The following TMEM127 variants were observed in gnomAD, a reference collection of about 807,000 sequenced individuals.
TMEM127 encodes transmembrane protein 127.
In TMEM127, 21 loss-of-function variants were observed where a neutral mutation model predicts 20.1. That is an observed-to-expected ratio of 1.04 (90% CI 0.74 to 1.50). The LOEUF (loss-of-function observed/expected upper bound fraction) is 1.50, where lower values mean the gene tolerates loss of function less well. TMEM127 is among the 40% of genes most tolerant of loss of function. TMEM127 has a pLI of 0.00. For synonymous variants in TMEM127, 150 were observed against 144.7 expected, an observed-to-expected ratio of 1.04 and a Z score of -0.26; for missense variants, 303 against 317.4, an observed-to-expected ratio of 0.95 and a Z score of 0.34.
rs1429040322 is a variant in TMEM127 at position 96,251,272 on chromosome 2, C to A, written c.*2536G>T. On this transcript the variant is annotated 3_prime_UTR_variant, in exon 4 of 4. Coordinates refer to ENST00000258439, the MANE Select transcript of TMEM127 (RefSeq NM_017849.4). ...GTGGTTCATGCCTATAATCCCAGCA[C>A]TTTGGGAGGCCAAGGTGGGTGGATA... The A allele has an allele frequency of 4.9e-6, 1 of 203,726 alleles. No homozygotes were observed. The highest frequency in any genetic ancestry group is 2.3e-5 in the African/African-American group (1 of 43,710). The allele number at this position is 203,726 out of a possible 1,614,324, so 12.6% of individuals were successfully genotyped here. A position where few individuals can be genotyped will look rare whatever the true frequency, so the allele number is the denominator to read the frequency against.
At chr2:96,260,894 C>T (rs1360157058) in intron 2 of TMEM127, among the ~76,000 whole-genome samples, 4 of 152,158 alleles carry the variant, frequency 2.6e-5, no homozygotes, top group African/African-American at 9.7e-5. Flanking sequence ...TTAACAGAGC[C>T]CTCTAGTGCC....
chr2:96,265,367 TC>T lies in TMEM127; in HGVS notation c.14del (p.Gly5GlufsTer76). The T allele has an allele frequency of 6.8e-7, 1 of 1,469,488 alleles. No homozygotes were observed. Among genetic ancestry groups the T allele is most frequent in the Non-Finnish European group, 8.9e-7 (1 of 1,117,438 alleles). The allele number at this position is 1,469,488 out of a possible 1,614,324, so 91.0% of individuals were successfully genotyped here. On this transcript the variant is annotated frameshift_variant, in exon 2 of 4. Transcript: ENST00000258439. LOFTEE classifies it high-confidence loss of function. ...GGCGCCCGCCGGGCAGCCCTGCGCC[TC>T]CGGGGGCGTACATGCCCGGGGCCGC... Reference protein sequence around the residue: MYAPGGAGLPGGRRR... With the variant: MYAPXGAGLPGGRRR...
chr2:96,257,818 G>C (rs1558753880), intron 2 of TMEM127, among the ~76,000 whole-genome samples: 1 of 152,020 alleles, frequency 6.6e-6, no homozygotes, highest in Non-Finnish European at 1.5e-5. Flanking sequence ...AGGAGGCTGA[G>C]ACAGGAGAAC....
chr2:96,265,542 G>T (rs1320332061), intron 1 of TMEM127, 30 bp from the exon 2 acceptor site: 5 of 962,656 alleles, frequency 5.2e-6, no homozygotes, highest in Non-Finnish European at 6.7e-6. Flanking sequence ...AGGATAGGGG[G>T]GTGGGACCCG....
intron 2 of TMEM127, among the ~76,000 whole-genome samples, chr2:96,257,179 C>T (rs1049709237): frequency 6.6e-6 from 1 of 152,200 alleles, no homozygotes; most frequent in Non-Finnish European, 1.5e-5. Flanking sequence ...CTAGACGACA[C>T]TACCAGGCAC....
At chr2:96,261,764 C>A (rs1684315192) in intron 2 of TMEM127, among the ~76,000 whole-genome samples, 1 of 152,174 alleles carries the variant, frequency 6.6e-6, no homozygotes, top group Admixed American at 6.5e-5. Flanking sequence ...GAGCTGGGAC[C>A]TTTTGAAGTG....
In TMEM127 at chr2:96,249,680, G is replaced by C. The variant is rs1206430434; in HGVS notation, c.*4128C>G. On this transcript the variant is annotated 3_prime_UTR_variant, in exon 4 of 4. Transcript: ENST00000258439. ...ACTCCCCCCAAAAAATGCAGAGGAA[G>C]AGGTAAGATTGCAGGCTATTTGAAA... is the stretch of plus-strand genomic sequence containing the variant. The C allele has an allele frequency of 6.9e-5, 16 of 233,048 alleles. No individual in the cohort carries two copies. In the Admixed American group the frequency reaches 9.0e-4, roughly 13 times the overall value. The allele number at this position is 233,048 out of a possible 1,614,324, so 14.4% of individuals were successfully genotyped here. A position where few individuals can be genotyped will look rare whatever the true frequency, so the allele number is the denominator to read the frequency against.
Position 96,250,368 on chromosome 2 carries a change from T to C in TMEM127, c.*3440A>G, listed in dbSNP as rs1315161970. The C allele has an allele frequency of 8.6e-6, 2 of 232,766 alleles. No homozygotes were observed. Among genetic ancestry groups the C allele is most frequent in the Non-Finnish European group, 1.7e-5 (2 of 117,866 alleles). The allele number at this position is 232,766 out of a possible 1,614,324, so 14.4% of individuals were successfully genotyped here. On this transcript the variant is annotated 3_prime_UTR_variant, in exon 4 of 4. Coordinates refer to ENST00000258439, the MANE Select transcript of TMEM127 (RefSeq NM_017849.4). ...GCGTCCTCCAGGAAGCCTTTCATTATCACTCAGGTCAGAACTGGCTCCCTT... is the reference window on the plus strand; with the variant it reads ...GCGTCCTCCAGGAAGCCTTTCATTACCACTCAGGTCAGAACTGGCTCCCTT...
At chr2:96,259,642 T>C (rs545708057) in intron 2 of TMEM127, among the ~76,000 whole-genome samples, 1 of 152,334 alleles carries the variant, frequency 6.6e-6, no homozygotes, top group East Asian at 1.9e-4. Flanking sequence ...CAGAGCCTGC[T>C]CTAGGAAGTG....
At chr2:96,258,115 G>C (rs560669448) in intron 2 of TMEM127, among the ~76,000 whole-genome samples, 4 of 152,158 alleles carry the variant, frequency 2.6e-5, no homozygotes, top group Admixed American at 6.5e-5. Context: ...TCAATCTCTA[G>C]GGCATACCCA....
In TMEM127 at chr2:96,254,332, T is replaced by G. The variant is rs575609893; in HGVS notation, c.410-217A>C. 3.3e-5 allele frequency among the ~76,000 whole-genome samples: 5 copies of G among 152,214 alleles called. 1 individual carries two copies. In the East Asian group the frequency reaches 9.7e-4, roughly 29 times the overall value. On this transcript the variant is annotated intron_variant, in intron 3 of 3. Coordinates refer to ENST00000258439, the MANE Select transcript of TMEM127 (RefSeq NM_017849.4). ...ATCTAGGCCAGTCAGATTCCATCTG[T>G]CTTAAGGAGCAAATAGGGTCATGCA...
At position 96,265,193 on chromosome 2, in the gene TMEM127, G is replaced by A; in HGVS notation, c.189C>T (p.Arg63=). The part of the protein sequence containing the change: ...WLHIHGGTCS[R]QELGVSDVLG... The stretch of plus-strand genomic sequence containing the variant: ...ACACGTCGGAGACCCCCAGCTCCTG[G>A]CGCGAACAGGTGCCTCCGTGGATGT... The change falls in exon 2 of 4, where the codon CGC becomes CGT. Residue 63 remains arginine (R), a synonymous_variant. Coordinates refer to ENST00000258439, the MANE Select transcript of TMEM127 (RefSeq NM_017849.4). 1 of 1,609,410 alleles carries A rather than the reference G, an allele frequency of 6.2e-7. No homozygotes were observed. Among genetic ancestry groups the A allele is most frequent in the Non-Finnish European group, 8.5e-7 (1 of 1,179,022 alleles).
intron 1 of TMEM127, 108 bp from the exon 2 acceptor site, chr2:96,265,620 T>G: frequency 7.3e-6 from 3 of 409,008 alleles, no homozygotes; most frequent in Non-Finnish European, 1.2e-5. Context: ...GGAATGGGAC[T>G]GCGGGACGAC....
chr2:96,263,048 CTT>C (rs1402826560), intron 2 of TMEM127, among the ~76,000 whole-genome samples: 31 of 136,586 alleles, frequency 2.3e-4, no homozygotes, highest in Admixed American at 2.2e-4. Context: ...CAAGAATTTA[CTT>C]TTTTTTTTTT....
rs576113198 is a variant in TMEM127 at position 96,251,655 on chromosome 2, C to T, written c.*2153G>A. On this transcript the variant is annotated 3_prime_UTR_variant, in exon 4 of 4. Transcript: ENST00000258439. ...AGCCATTGTCATTTCCATTCTTATT[C>T]GTGGTTTCTGGTTTTTTTGGTTTTG... The T allele has an allele frequency of 3.4e-5, 8 of 232,660 alleles. No individual in the cohort carries two copies. The South Asian group carries it at 5.5e-4, about 16-fold the overall frequency. The allele number at this position is 232,660 out of a possible 1,614,324, so 14.4% of individuals were successfully genotyped here.
chr2:96,257,981 C>T (rs969922772), intron 2 of TMEM127, among the ~76,000 whole-genome samples: 1 of 152,148 alleles, frequency 6.6e-6, no homozygotes, highest in Non-Finnish European at 1.5e-5. Flanking sequence ...GCAAGTTCTT[C>T]TTTTATTTAG....
rs996909799 is a variant in TMEM127 at position 96,250,060 on chromosome 2, C to A, written c.*3748G>T. ...TGGGATTGACTGTGACCGCCCTCTT[C>A]CCCTTTGGCAGGTCCTGTCTCCCAC... On this transcript the variant is annotated 3_prime_UTR_variant, in exon 4 of 4. Transcript: ENST00000258439. 8.6e-6 allele frequency: 2 copies of A among 233,330 alleles called. No homozygotes were observed. The highest frequency in any genetic ancestry group is 1.2e-4 in the East Asian group (2 of 16,578). The allele number at this position is 233,330 out of a possible 1,614,324, so 14.5% of individuals were successfully genotyped here. A position where few individuals can be genotyped will look rare whatever the true frequency, so the allele number is the denominator to read the frequency against.
Position 96,253,729 on chromosome 2 carries a change from G to T in TMEM127, c.*79C>A. 1 of 1,491,286 alleles carries T rather than the reference G, an allele frequency of 6.7e-7. No homozygotes were observed. Among genetic ancestry groups the T allele is most frequent in the Non-Finnish European group, 9.1e-7 (1 of 1,101,756 alleles). The allele number at this position is 1,491,286 out of a possible 1,614,324, so 92.4% of individuals were successfully genotyped here. A position where few individuals can be genotyped will look rare whatever the true frequency, so the allele number is the denominator to read the frequency against. On this transcript the variant is annotated 3_prime_UTR_variant, in exon 4 of 4. Coordinates refer to ENST00000258439, the MANE Select transcript of TMEM127 (RefSeq NM_017849.4). The surrounding 1 kb of genome is among the most constrained non-coding windows in gnomAD (Gnocchi z 4.3). ...GGATCCTACCAGTGAGGCCTGCTGGGGAAAGGAGCTCCTCTGGGTGCGAGA... is the reference window on the plus strand; with the variant it reads ...GGATCCTACCAGTGAGGCCTGCTGGTGAAAGGAGCTCCTCTGGGTGCGAGA...
In TMEM127 at chr2:96,265,180, C is replaced by T. The variant is rs1684388690; in HGVS notation, c.202G>A (p.Val68Ile). 1.9e-6 allele frequency: 3 copies of T among 1,610,712 alleles called. No homozygotes were observed. In the South Asian group the frequency reaches 3.3e-5, roughly 18 times the overall value. Residue 68 changes from valine (V) to isoleucine (I), a missense_variant, in exon 2 of 4, where the codon GTC (valine) becomes ATC (isoleucine). Physicochemically the swap from Val to Ile is conservative, Grantham distance 29. Coordinates refer to ENST00000258439, the MANE Select transcript of TMEM127 (RefSeq NM_017849.4). Reference protein sequence around the residue: ...GGTCSRQELGVSDVLGYVHPD... With the variant: ...GGTCSRQELGISDVLGYVHPD... ...TGCACATAGCCCAACACGTCGGAGA[C>T]CCCCAGCTCCTGGCGCGAACAGGTG...
Sources: allele counts gnomAD v4.1 joint callset (sites outside exome capture counted in the v4.1 genomes callset), GRCh38; gene constraint gnomAD v4.1.1; non-coding constraint Gnocchi (gnomAD v3.1); transcripts MANE v1.5; gene names NCBI Gene and HGNC (gene_info 2026-07-23, HGNC 2026-07-21).